TENM1: variants seen among roughly 807,000 people sequenced by gnomAD.
TENM1 encodes teneurin-1.
TENM1 carries 35 observed loss-of-function variants against 174.8 expected under a neutral mutation model. The ratio of observed to expected loss-of-function variants is 0.20; its 90% CI spans 0.15 to 0.27. The LOEUF is 0.27. Ranked by LOEUF, TENM1 falls within the 10% of genes least tolerant of loss-of-function variation. The pLI, the probability that TENM1 is intolerant of heterozygous loss-of-function variation, is 1.00. For synonymous variants in TENM1, 781 were observed against 798.7 expected, an observed-to-expected ratio of 0.98 and a Z score of 0.37; for missense variants, 1,633 against 2,130.1, an observed-to-expected ratio of 0.77 and a Z score of 4.59.
chrX:124,862,905 G>C (rs141706048), intron 3 of TENM1, among the ~76,000 whole-genome samples: 2,581 of 106,955 alleles, frequency 0.024, 31 homozygotes, highest in Non-Finnish European at 0.038. Context: ...ATAATGAAGA[G>C]GCCTTTGTCT....
At chrX:125,042,616 G>GGT in the TENM1 span, among the ~76,000 whole-genome samples, 1 of 111,456 alleles carries the variant, frequency 9.0e-6, no homozygotes, top group Non-Finnish European at 1.9e-5. Flanking sequence ...GAACAAAAAT[G>GGT]CCTTAACTCT....
chrX:124,412,008 C>T (rs1308600052), intron 25 of TENM1: 1 of 112,473 alleles, frequency 8.9e-6, no homozygotes, highest in Admixed American at 9.4e-5. Flanking sequence ...ACAGCACTCA[C>T]CTAACCAGGC....
At chrX:124,719,250 A>AT (rs774678371) in intron 4 of TENM1, among the ~76,000 whole-genome samples, 57 of 110,186 alleles carry the variant, frequency 5.2e-4, no homozygotes, top group Non-Finnish European at 9.8e-4. Flanking sequence ...TGCACTTGGG[A>AT]TTGGTCTATT....
chrX:124,470,803 T>G (rs1332353908), intron 22 of TENM1, among the ~76,000 whole-genome samples: 1 of 110,054 alleles, frequency 9.1e-6, no homozygotes, highest in Non-Finnish European at 1.9e-5. Flanking sequence ...ACTATGACAC[T>G]CCTTCTTGGA....
chrX:124,916,792 C>G (rs888277805), intron 1 of TENM1, among the ~76,000 whole-genome samples: 7 of 109,852 alleles, frequency 6.4e-5, no homozygotes, highest in Non-Finnish European at 1.1e-4. Flanking sequence ...CTCTCTCTCT[C>G]TCTCTCTCTC....
intron 22 of TENM1, among the ~76,000 whole-genome samples, chrX:124,461,182 C>T (rs371480066): frequency 3.4e-4 from 38 of 111,803 alleles, no homozygotes; most frequent in Admixed American, 1.5e-3. Flanking sequence ...GGAGACCCCA[C>T]GCAGTGGGAT....
At chrX:124,716,808 C>G (rs1313191061) in intron 4 of TENM1, among the ~76,000 whole-genome samples, 1 of 111,669 alleles carries the variant, frequency 9.0e-6, no homozygotes, top group Non-Finnish European at 1.9e-5. Flanking sequence ...GTATAACTCC[C>G]TAAACACACT....
chrX:125,032,359 G>A, the TENM1 span, among the ~76,000 whole-genome samples: 4 of 109,930 alleles, frequency 3.6e-5, no homozygotes, highest in Admixed American at 9.8e-5. Flanking sequence ...TAGTAGAGAC[G>A]GGGTTTTACT....
At chrX:125,174,498 A>G in the TENM1 span, among the ~76,000 whole-genome samples, 1 of 111,614 alleles carries the variant, frequency 9.0e-6, no homozygotes, top group South Asian at 3.7e-4. Flanking sequence ...GATATGGGTA[A>G]GCAAAGGATT....
the TENM1 span, among the ~76,000 whole-genome samples, chrX:124,979,858 T>C: frequency 8.9e-6 from 1 of 111,867 alleles, no homozygotes; most frequent in African/African-American, 3.2e-5. Context: ...TGCATCTTCT[T>C]TGGGTTTTCA....
intron 11 of TENM1, among the ~76,000 whole-genome samples, chrX:124,580,696 A>C (rs1208979319): frequency 9.0e-6 from 1 of 110,962 alleles, no homozygotes; most frequent in Non-Finnish European, 1.9e-5. Flanking sequence ...TGTATTAATA[A>C]TTTTTTATTT....
At chrX:124,578,109 G>C (rs1435277031) in intron 11 of TENM1, among the ~76,000 whole-genome samples, 2 of 106,817 alleles carry the variant, frequency 1.9e-5, no homozygotes, top group African/African-American at 3.4e-5. Context: ...AAAATTTTCT[G>C]TAGAGATTGG....
intron 8 of TENM1, among the ~76,000 whole-genome samples, chrX:124,649,457 C>T (rs774113748): frequency 7.1e-5 from 8 of 112,451 alleles, no homozygotes; most frequent in Non-Finnish European, 1.3e-4. Context: ...TCTTTTCAAG[C>T]CTCCATTCAG....
At chrX:124,581,928 G>A (rs767019094) in intron 11 of TENM1, among the ~76,000 whole-genome samples, 3 of 111,092 alleles carry the variant, frequency 2.7e-5, no homozygotes, top group South Asian at 3.9e-4. Flanking sequence ...TGTGGGATGC[G>A]CAGATTTGTT....
the TENM1 span, among the ~76,000 whole-genome samples, chrX:125,020,981 A>G: frequency 1.3e-4 from 14 of 110,517 alleles, no homozygotes; most frequent in Non-Finnish European, 1.9e-5. Context: ...CTACATACAC[A>G]CTTACCCCAT....
chrX:124,961,618 T>C (rs974744762), intron 1 of TENM1, among the ~76,000 whole-genome samples: 2 of 110,689 alleles, frequency 1.8e-5, no homozygotes, highest in African/African-American at 6.6e-5. Context: ...CATTCCAGCC[T>C]GGGCAACAGA....
At chrX:124,767,122 G>T (rs2054553992) in intron 3 of TENM1, among the ~76,000 whole-genome samples, 1 of 111,191 alleles carries the variant, frequency 9.0e-6, no homozygotes, top group Non-Finnish European at 1.9e-5. Context: ...GCACATCTGT[G>T]TTTCCACAGT....
At chrX:124,703,918 A>C (rs1017922784) in intron 5 of TENM1, among the ~76,000 whole-genome samples, 1 of 112,461 alleles carries the variant, frequency 8.9e-6, no homozygotes, top group Non-Finnish European at 1.9e-5. Flanking sequence ...CATGAACATC[A>C]GCGCAGGCTA....
chrX:124,582,369 G>A lies in TENM1; in HGVS notation c.2078-16809C>T, dbSNP rs192835891. ...TGGATTCTTCCAATCTATGAGCATG[G>A]AATGTTTTTCCATTTGTTTGTGTTA... On this transcript the variant is annotated intron_variant, in intron 11 of 31. Transcript: ENST00000422452. 4.6e-3 allele frequency among the ~76,000 whole-genome samples: 515 copies of A among 111,742 alleles called. 1 individual carries two copies. Among genetic ancestry groups the A allele is most frequent in the Non-Finnish European group, 6.9e-3 (365 of 53,129 alleles).
Sources: allele counts gnomAD v4.1 joint callset (sites outside exome capture counted in the v4.1 genomes callset), GRCh38; gene constraint gnomAD v4.1.1; transcripts MANE v1.5; gene names NCBI Gene and HGNC (gene_info 2026-07-23, HGNC 2026-07-21).